The following ZC3H18 variants were observed in gnomAD, a reference collection of about 807,000 sequenced individuals.
ZC3H18 encodes zinc finger CCCH domain-containing protein 18.
In ZC3H18, 8 loss-of-function variants were observed where a neutral mutation model predicts 106.1. The observed-to-expected ratio is 0.08, with a 90% CI of 0.04 to 0.14. ZC3H18 has a LOEUF of 0.14. Ranked by LOEUF, ZC3H18 falls within the 10% of genes least tolerant of loss-of-function variation. The pLI, the probability that ZC3H18 is intolerant of heterozygous loss-of-function variation, is 1.00. For synonymous variants in ZC3H18, 635 were observed against 522.1 expected (o/e 1.22, Z -2.95); for missense variants, 1,318 against 1,278.4 (o/e 1.03, Z -0.47).
chr16:88,631,208 C>T lies in ZC3H18; in HGVS notation c.2771C>T (p.Thr924Met), dbSNP rs773969114. The change falls in exon 18 of 18, where the codon ACG becomes ATG. Residue 924 changes from threonine (T) to methionine (M), a missense_variant. By Grantham distance (81) the Thr-to-Met change is moderately conservative (BLOSUM62 -1). This residue lies in a region of ZC3H18 where 848 missense variants were observed against 821.7 expected (regional missense o/e 1.03). Coordinates refer to ENST00000301011, the MANE Select transcript of ZC3H18 (RefSeq NM_144604.4). ...AGCACCAAATCAGGGAAGGCCAGCACGCTGTCTCGGCGGGAGGAGCTGCTG... is the reference window on the plus strand; with the variant it reads ...AGCACCAAATCAGGGAAGGCCAGCATGCTGTCTCGGCGGGAGGAGCTGCTG... ...AASTKSGKASTLSRREELLKQ... is the reference protein window; with the variant it reads ...AASTKSGKASMLSRREELLKQ... 9 of 1,613,862 alleles carry T rather than the reference C, an allele frequency of 5.6e-6. No homozygotes were observed. The highest frequency in any genetic ancestry group is 1.3e-5 in the African/African-American group (1 of 75,058).
intron 12 of ZC3H18, 61 bp from the exon 13 acceptor site, chr16:88,625,141 G>C: frequency 4.5e-6 from 7 of 1,543,128 alleles, no homozygotes; most frequent in Non-Finnish European, 4.4e-6. Flanking sequence ...GGTGGGGAGG[G>C]GAGGCCGCGA....
rs1904657783 is a variant in ZC3H18 at position 88,599,932 on chromosome 16, G to A, written c.1072G>A (p.Asp358Asn). 1 of 1,614,042 alleles carries A rather than the reference G, an allele frequency of 6.2e-7. No homozygotes were observed. Among genetic ancestry groups the A allele is most frequent in the South Asian group, 1.1e-5 (1 of 91,078 alleles). ...AGATTGGAATTCTCGGATCCCGAGA[G>A]ATGTCAGAGACACAGTGTAAGGAAT... is the stretch of plus-strand genomic sequence containing the variant. ...FRDWNSRIPR[D>N]VRDTVLEPYA... Residue 358 changes from aspartate to asparagine, a missense_variant, in exon 6 of 18, where the codon GAT becomes AAT. Physicochemically the swap from Asp to Asn is conservative, Grantham distance 23 (BLOSUM62 1). This residue lies in a region of ZC3H18 where 848 missense variants were observed against 821.7 expected (regional missense o/e 1.03). Transcript: ENST00000301011.
Position 88,570,507 on chromosome 16 carries a change from C to A in ZC3H18, c.-74C>A, listed in dbSNP as rs1258344983. The A allele has an allele frequency of 6.6e-6, 1 of 152,008 alleles. No homozygotes were observed. Among genetic ancestry groups the A allele is most frequent in the African/African-American group, 2.4e-5 (1 of 41,406 alleles). 9.4% of individuals were successfully genotyped at this position (152,008 alleles called of 1,614,324 possible). A position where few individuals can be genotyped will look rare whatever the true frequency, so the allele number is the denominator to read the frequency against. On this transcript the variant is annotated 5_prime_UTR_variant, in exon 1 of 18. Coordinates refer to ENST00000301011, the MANE Select transcript of ZC3H18 (RefSeq NM_144604.4). ...GAAGAGCGGAAGGGCCAAGGGACGT[C>A]TTCTCCACGCCGCTCCGACTCCAGG...
chr16:88,593,028 A>G (rs180983772), intron 3 of ZC3H18, among the ~76,000 whole-genome samples: 8 of 152,388 alleles, frequency 5.2e-5, no homozygotes, highest in Middle Eastern at 3.4e-3. Flanking sequence ...TAAGTTACGC[A>G]CAGTAAGAGA....
At chr16:88,608,808 C>T in intron 6 of ZC3H18, 126 bp from the exon 7 acceptor site, 3 of 698,758 alleles carry the variant, frequency 4.3e-6, no homozygotes, top group Middle Eastern at 2.7e-4. Flanking sequence ...CTTGAGCCAA[C>T]CTTGCGCTCC....
rs767842840 is a variant in ZC3H18 at position 88,586,696 on chromosome 16, C to T, written c.688+12C>T. 40 of 1,612,608 alleles carry T rather than the reference C, an allele frequency of 2.5e-5. No individual in the cohort carries two copies. The highest frequency in any genetic ancestry group is 1.5e-4 in the Admixed American group (9 of 59,952). On this transcript the variant is annotated intron_variant, in intron 3 of 17. Coordinates refer to ENST00000301011, the MANE Select transcript of ZC3H18 (RefSeq NM_144604.4). ...GTTCTTCATGAAAGGTAATTGTCTG[C>T]GTGTGAGGCCTTCTCGCAGCCAGCT...
Position 88,631,333 on chromosome 16 carries a change from A to G in ZC3H18, c.*34A>G, listed in dbSNP as rs540419452. ...CCGACCGGACTGGACGCATTTTTAT[A>G]CATAGGGTAAGCGCAGCCATTTTGG... On this transcript the variant is annotated 3_prime_UTR_variant, in exon 18 of 18. Coordinates refer to ENST00000301011, the MANE Select transcript of ZC3H18 (RefSeq NM_144604.4). The G allele has an allele frequency of 2.0e-4, 317 of 1,553,176 alleles. 5 individuals are homozygous for G. In the South Asian group the frequency reaches 3.4e-3, roughly 17 times the overall value.
chr16:88,597,002 G>C (rs1402519133), intron 3 of ZC3H18, among the ~76,000 whole-genome samples: 2 of 152,106 alleles, frequency 1.3e-5, no homozygotes, highest in Non-Finnish European at 2.9e-5. Context: ...CTCACTGCAA[G>C]CTCCACCTCC....
chr16:88,611,556 G>A lies in ZC3H18; in HGVS notation c.1475+20G>A. 5 of 1,547,068 alleles carry A rather than the reference G, an allele frequency of 3.2e-6. No individual in the cohort carries two copies. Among genetic ancestry groups the A allele is most frequent in the Non-Finnish European group, 4.4e-6 (5 of 1,145,136 alleles). Reference sequence around the variant, plus strand: ...GCCAAGGTAGACCCTGCTTCCTGAAGCCCAGGGGTGTGGGGGAGGTCCGGC... The same window carrying A: ...GCCAAGGTAGACCCTGCTTCCTGAAACCCAGGGGTGTGGGGGAGGTCCGGC... On this transcript the variant is annotated intron_variant, in intron 8 of 17. Transcript: ENST00000301011.
intron 2 of ZC3H18, among the ~76,000 whole-genome samples, chr16:88,579,304 A>C (rs1914962085): frequency 6.6e-6 from 1 of 152,076 alleles, no homozygotes; most frequent in Non-Finnish European, 1.5e-5. Context: ...GGTTGGGTTG[A>C]GGATGCCCAT....
chr16:88,581,646 C>T (rs974683050), intron 2 of ZC3H18, among the ~76,000 whole-genome samples: 11 of 152,188 alleles, frequency 7.2e-5, no homozygotes, highest in African/African-American at 1.9e-4. Context: ...CTTCAGTCAC[C>T]GGTCTCTTAC....
At chr16:88,599,347 C>T (rs906328399) in intron 5 of ZC3H18, among the ~76,000 whole-genome samples, 1 of 152,232 alleles carries the variant, frequency 6.6e-6, no homozygotes, top group Non-Finnish European at 1.5e-5. Flanking sequence ...AGCTTCAGCT[C>T]TGGGGACCAC....
At chr16:88,581,022 C>T (rs900242698) in intron 2 of ZC3H18, among the ~76,000 whole-genome samples, 3 of 152,228 alleles carry the variant, frequency 2.0e-5, no homozygotes, top group Non-Finnish European at 2.9e-5. Flanking sequence ...CGCCTAGAGG[C>T]TTTCCCTGCA....
chr16:88,622,410 G>C (rs752814005), intron 9 of ZC3H18, 22 bp downstream of exon 9: 16 of 1,581,958 alleles, frequency 1.0e-5, no homozygotes, highest in African/African-American at 8.1e-5. Context: ...TCGTGGGACG[G>C]CTGGGGTGTC....
In ZC3H18 at chr16:88,630,402, G is replaced by A. The variant is rs541155813; in HGVS notation, c.2567-83G>A. ...CTAAGCAGCCTCAGGCTTTAGAAGT[G>A]AGTCCCTGGCATCGGTGAGGCCACC... is the stretch of plus-strand genomic sequence containing the variant. On this transcript the variant is annotated intron_variant, in intron 16 of 17. Coordinates refer to ENST00000301011, the MANE Select transcript of ZC3H18 (RefSeq NM_144604.4). The A allele has an allele frequency of 1.1e-4, 114 of 1,058,338 alleles. 1 individual carries two copies. In the East Asian group the frequency reaches 2.9e-3, roughly 26 times the overall value. 65.6% of individuals were successfully genotyped at this position (1,058,338 alleles called of 1,614,324 possible). A position where few individuals can be genotyped will look rare whatever the true frequency, so the allele number is the denominator to read the frequency against.
At chr16:88,624,794 C>A in intron 12 of ZC3H18, 49 bp downstream of exon 12, 1 of 1,557,746 alleles carries the variant, frequency 6.4e-7, no homozygotes. Flanking sequence ...GTTCTTGGTG[C>A]CACTGTGATG....
chr16:88,577,597 A>G lies in ZC3H18; in HGVS notation c.474A>G (p.Lys158=), dbSNP rs899728. The change falls in exon 2 of 18, where the codon AAA becomes AAG. Residue 158 remains lysine (K), a synonymous_variant. Coordinates refer to ENST00000301011, the MANE Select transcript of ZC3H18 (RefSeq NM_144604.4). The part of the protein sequence containing the change: ...EKAGAEDDEE[K]GEGTPREEGK... ...CGGGGGCTGAGGATGATGAGGAGAA[A>G]GGCGAAGGCACTCCCAGGGAGGAGG... 1,446,621 of 1,613,690 alleles carry G rather than the reference A, an allele frequency of 0.9. 649,925 individuals carry two copies. Among genetic ancestry groups the G allele is most frequent in the Admixed American group, 0.94 (56,388 of 60,012 alleles).
intron 8 of ZC3H18, among the ~76,000 whole-genome samples, chr16:88,619,678 G>A (rs527635288): frequency 6.6e-6 from 1 of 152,174 alleles, no homozygotes; most frequent in Non-Finnish European, 1.5e-5. Flanking sequence ...TCCATGCCGT[G>A]GCAGGGGGCA....
intron 8 of ZC3H18, among the ~76,000 whole-genome samples, chr16:88,614,875 C>G (rs1483832315): frequency 6.6e-6 from 1 of 152,246 alleles, no homozygotes; most frequent in African/African-American, 2.4e-5. Context: ...AGGTGCAGCC[C>G]AGCACCCCGT....
Sources: allele counts gnomAD v4.1 joint callset (sites outside exome capture counted in the v4.1 genomes callset), GRCh38; gene constraint gnomAD v4.1.1; regional missense constraint gnomAD v4.1.1; transcripts MANE v1.5; gene names NCBI Gene and HGNC (gene_info 2026-07-23, HGNC 2026-07-21).